Variants in ACLY observed in about 807,000 individuals in gnomAD.
ACLY encodes the protein ATP citrate lyase, also known as ATP-citrate synthase.
ACLY carries 41 observed loss-of-function variants against 133.0 expected under a neutral mutation model. The observed-to-expected ratio is 0.31, with a 90% confidence interval of 0.24 to 0.40. The LOEUF is 0.40. ACLY is among the 10% of genes least tolerant of loss of function. The pLI is 1.00. For synonymous variants in ACLY, 495 were observed against 549.3 expected, an observed-to-expected ratio of 0.90 and a Z score of 1.38; for missense variants, 1,046 against 1,453.8, an observed-to-expected ratio of 0.72 and a Z score of 4.56.
chr17:41,914,008 G>T, intron 1 of ACLY, 112 bp from the exon 2 acceptor site: 1 of 1,063,492 alleles, frequency 9.4e-7, no homozygotes, highest in Non-Finnish European at 1.4e-6. Flanking sequence ...CCAGATCTCA[G>T]CTTTTCTCAA....
chr17:41,900,277 G>A (rs894271800), intron 11 of ACLY, among the ~76,000 whole-genome samples: 3 of 149,916 alleles, frequency 2.0e-5, no homozygotes, highest in Non-Finnish European at 3.0e-5. Context: ...GCAGGAGAAT[G>A]GCGTGGACCC....
At chr17:41,929,094 CTTTT>C (rs111865267) in intron 1 of ACLY, among the ~76,000 whole-genome samples, 6 of 133,550 alleles carry the variant, frequency 4.5e-5, no homozygotes, top group Admixed American at 1.5e-4. Flanking sequence ...ATGTTATTTC[CTTTT>C]TTTTTTTTTT....
At chr17:41,907,016 C>T (rs1480969462) in intron 7 of ACLY, among the ~76,000 whole-genome samples, 2 of 152,186 alleles carry the variant, frequency 1.3e-5, no homozygotes, top group Non-Finnish European at 2.9e-5. Context: ...CCAGACGAGA[C>T]CGTCTCCTAG....
chr17:41,913,779 G>A lies in ACLY; in HGVS notation c.95C>T (p.Ala32Val). ...TSAIQNRFKY[A>V]RVTPDTDWAR... ...CCAGTCTGTGTCAGGAGTGACCCGAGCATACTTGAACCGATTCTGGATGGC... is the reference window on the plus strand; with the variant it reads ...CCAGTCTGTGTCAGGAGTGACCCGAACATACTTGAACCGATTCTGGATGGC... Residue 32 changes from alanine to valine, a missense_variant, in exon 2 of 29, where the codon GCT becomes GTT. By Grantham distance (64) the Ala-to-Val change is moderately conservative (BLOSUM62 0). Coordinates refer to ENST00000352035, the MANE Select transcript of ACLY (RefSeq NM_001096.3). The A allele has an allele frequency of 6.2e-7, 1 of 1,614,254 alleles. No homozygotes were observed. Among genetic ancestry groups the A allele is most frequent in the African/African-American group, 1.3e-5 (1 of 75,076 alleles).
intron 10 of ACLY, among the ~76,000 whole-genome samples, chr17:41,902,970 G>A (rs1280075952): frequency 1.3e-5 from 2 of 152,118 alleles, no homozygotes; most frequent in African/African-American, 4.8e-5. Flanking sequence ...TTAAATTTTA[G>A]TAGAGATGAG....
At chr17:41,892,590 C>G (rs1567898486) in intron 15 of ACLY, 143 bp from the exon 16 acceptor site, 2 of 726,426 alleles carry the variant, frequency 2.8e-6, no homozygotes, top group Admixed American at 2.9e-5. Flanking sequence ...GGACAAAGAT[C>G]CCCCAGGAAT....
At chr17:41,925,401 A>G (rs1400403655) in intron 1 of ACLY, among the ~76,000 whole-genome samples, 2 of 149,624 alleles carry the variant, frequency 1.3e-5, no homozygotes, top group Non-Finnish European at 3.0e-5. Context: ...GTTCAAGACC[A>G]GCCTGGGCAA....
chr17:41,924,809 T>C (rs1222969472), intron 1 of ACLY, among the ~76,000 whole-genome samples: 1 of 152,020 alleles, frequency 6.6e-6, no homozygotes, highest in Non-Finnish European at 1.5e-5. Context: ...ATAAAGTTTC[T>C]CCATGCAGCC....
chr17:41,926,592 G>A (rs540317032), intron 1 of ACLY, among the ~76,000 whole-genome samples: 2 of 152,102 alleles, frequency 1.3e-5, no homozygotes, highest in East Asian at 1.9e-4. Context: ...AGGTTCAAGC[G>A]ATTCTCGTGC....
rs558056100 is a variant in ACLY, at chr17:41,879,647, C to CAA, written c.2266-725_2266-724dup. 3.5e-4 allele frequency among the ~76,000 whole-genome samples: 12 copies of CAA among 34,228 alleles called. 1 individual carries two copies. Among genetic ancestry groups the CAA allele is most frequent in the African/African-American group, 1.3e-3 (9 of 6,774 alleles). 22.5% of individuals were successfully genotyped at this position (34,228 alleles called of 152,430 possible). ...GGGTGATAAGAGCAAGACTCCGTCT[C>CAA]AAAAAAAAAAAAAAAAAAAAAAAAA... On this transcript the variant is annotated intron_variant, in intron 20 of 28. Coordinates refer to ENST00000352035, the MANE Select transcript of ACLY (RefSeq NM_001096.3).
chr17:41,920,680 G>A (rs2050168417), upstream of ACLY, among the ~76,000 whole-genome samples: 1 of 151,686 alleles, frequency 6.6e-6, no homozygotes, highest in South Asian at 2.1e-4. Flanking sequence ...GCCAAGTCAG[G>A]CAGATTGCTA....
At chr17:41,889,994 C>T (rs781064150) in intron 16 of ACLY, among the ~76,000 whole-genome samples, 11 of 152,252 alleles carry the variant, frequency 7.2e-5, no homozygotes, top group Non-Finnish European at 1.5e-4. Flanking sequence ...CCTTCTGATG[C>T]AGTAGTTCAA....
At chr17:41,902,043 CCAT>C (rs2049555993) in intron 10 of ACLY, among the ~76,000 whole-genome samples, 1 of 152,146 alleles carries the variant, frequency 6.6e-6, no homozygotes, top group South Asian at 2.1e-4. Context: ...CTCCAGGCCT[CCAT>C]CATCAGCAAG....
At chr17:41,909,089 G>A in intron 5 of ACLY, 21 bp from the exon 6 acceptor site, 1 of 1,593,894 alleles carries the variant, frequency 6.3e-7, no homozygotes, top group Non-Finnish European at 8.6e-7. Context: ...GAGGGAGAGA[G>A]GGACAGTTCA....
intron 6 of ACLY, 118 bp downstream of exon 6, chr17:41,908,871 G>A (rs1332675553): frequency 3.7e-6 from 3 of 812,100 alleles, no homozygotes; most frequent in South Asian, 2.9e-5. Flanking sequence ...CTCTGCTTGT[G>A]CACATCTGTC....
chr17:41,891,727 G>T (rs1246573746), intron 16 of ACLY, among the ~76,000 whole-genome samples: 1 of 151,858 alleles, frequency 6.6e-6, no homozygotes, highest in East Asian at 1.9e-4. Flanking sequence ...ACAGGGTCTT[G>T]CTCTGCCACC....
At chr17:41,882,257 C>T (rs1352707622) in intron 20 of ACLY, among the ~76,000 whole-genome samples, 3 of 149,672 alleles carry the variant, frequency 2.0e-5, no homozygotes, top group African/African-American at 7.4e-5. Context: ...ATCCCAGCTA[C>T]TCAGGAGGCT....
At chr17:41,882,037 G>C (rs2048930013) in intron 20 of ACLY, among the ~76,000 whole-genome samples, 1 of 151,976 alleles carries the variant, frequency 6.6e-6, no homozygotes, top group South Asian at 2.1e-4. Flanking sequence ...TTAGTTTGTG[G>C]ATATGCCATG....
At position 41,912,462 on chromosome 17, in the gene ACLY, C is replaced by A. The variant is rs1432464915; in HGVS notation, c.240G>T (p.Gly80=). 1 of 1,614,074 alleles carries A rather than the reference C, an allele frequency of 6.2e-7. No homozygotes were observed. Among genetic ancestry groups the A allele is most frequent in the African/African-American group, 1.3e-5 (1 of 74,926 alleles). The change falls in exon 3 of 29, where the codon GGG becomes GGT. Residue 80 remains glycine (G), a synonymous_variant. Coordinates refer to ENST00000352035, the MANE Select transcript of ACLY (RefSeq NM_001096.3). Reference sequence around the variant, plus strand: ...GCCGTGGCTTCAGCCAGGACTTGACCCCATCCAGAGTGAGGTTGACCCCAA... The same window carrying A: ...GCCGTGGCTTCAGCCAGGACTTGACACCATCCAGAGTGAGGTTGACCCCAA... ...GLVGVNLTLD[G]VKSWLKPRLG... is the part of the protein sequence containing the mutation.
Sources: allele counts gnomAD v4.1 joint callset (sites outside exome capture counted in the v4.1 genomes callset), GRCh38; gene constraint gnomAD v4.1.1; transcripts MANE v1.5; gene names NCBI Gene and HGNC (gene_info 2026-07-23, HGNC 2026-07-21).